FLRT1: variants seen among roughly 807,000 people sequenced by gnomAD.
FLRT1 encodes the protein leucine-rich repeat transmembrane protein FLRT1.
In FLRT1, 14 loss-of-function variants were observed where a neutral mutation model predicts 30.9. The ratio of observed to expected loss-of-function variants is 0.45; its 90% CI spans 0.30 to 0.71. The LOEUF (loss-of-function observed/expected upper bound fraction) is 0.71. Among genes scored for constraint, FLRT1 ranks in the 30% least tolerant of loss-of-function variants. The probability of loss-of-function intolerance (pLI) is 0.08; values close to 1 mark genes in which losing one functional copy is unlikely to be tolerated. For synonymous variants in FLRT1, 368 were observed against 430.4 expected, an observed-to-expected ratio of 0.85 and a Z score of 1.80; for missense variants, 737 against 949.2, an observed-to-expected ratio of 0.78 and a Z score of 2.94.
In FLRT1 at chr11:64,058,477, C is replaced by T. The variant is rs111440864; in HGVS notation, c.-1038+22318C>T. Among the ~76,000 whole-genome samples the T allele has an allele frequency of 1.8e-4, 27 of 152,372 alleles. 1 individual carries two copies. The highest frequency in any genetic ancestry group is 6.0e-4 in the African/African-American group (25 of 41,594). Reference sequence around the variant, plus strand: ...AGCTGCCACCTGGGTGGGCGAAGAGCAGGTCAGGCCTTTTCCCAGGCAGCT... The same window carrying T: ...AGCTGCCACCTGGGTGGGCGAAGAGTAGGTCAGGCCTTTTCCCAGGCAGCT... On this transcript the variant is annotated intron_variant, in intron 1 of 2. Coordinates refer to ENST00000682287, the MANE Select transcript of FLRT1 (RefSeq NM_013280.5).
intron 1 of FLRT1, among the ~76,000 whole-genome samples, chr11:64,095,625 C>T (rs896961655): frequency 6.6e-6 from 1 of 152,204 alleles, no homozygotes; most frequent in African/African-American, 2.4e-5. Context: ...CGGCTTCCCC[C>T]AGCTGCACCT....
intron 1 of FLRT1, among the ~76,000 whole-genome samples, chr11:64,081,178 T>C (rs1310468392): frequency 1.3e-5 from 2 of 152,180 alleles, no homozygotes; most frequent in Non-Finnish European, 2.9e-5. Context: ...TCCACCACCA[T>C]GCCTAGCTAA....
At chr11:64,089,167 C>T (rs1322503651) in intron 1 of FLRT1, among the ~76,000 whole-genome samples, 2 of 152,166 alleles carry the variant, frequency 1.3e-5, no homozygotes, top group African/African-American at 2.4e-5. Flanking sequence ...AGGCACAGGG[C>T]GGGTCGGGGA....
chr11:64,036,388 G>A lies in FLRT1; in HGVS notation c.-1038+229G>A, dbSNP rs1297647797. ...GTAGCGGTGGCGCTGGCCCCGCCGC[G>A]GGGAGGCGCGGGGTGCGCGGCCGGC... On this transcript the variant is annotated intron_variant, in intron 1 of 2. Transcript: ENST00000682287. This position sits in a 1 kb window ranked among gnomAD's most constrained non-coding sequence, Gnocchi z 5.6. Among the ~76,000 whole-genome samples the A allele has an allele frequency of 6.6e-6, 1 of 152,168 alleles. No homozygotes were observed. Among genetic ancestry groups the A allele is most frequent in the Non-Finnish European group, 1.5e-5 (1 of 68,014 alleles).
chr11:64,088,684 C>T (rs1449739310), intron 1 of FLRT1, among the ~76,000 whole-genome samples: 1 of 152,198 alleles, frequency 6.6e-6, no homozygotes, highest in Non-Finnish European at 1.5e-5. Flanking sequence ...CTCGACCCCT[C>T]TGGGTCTCGG....
rs367800144 is a variant in FLRT1, at chr11:64,063,744, C to T, written c.-1038+27585C>T. Among the ~76,000 whole-genome samples the T allele has an allele frequency of 6.4e-4, 98 of 152,292 alleles. 1 individual carries two copies. Among genetic ancestry groups the T allele is most frequent in the Middle Eastern group, 3.4e-3 (1 of 294 alleles). On this transcript the variant is annotated intron_variant, in intron 1 of 2. Coordinates refer to ENST00000682287, the MANE Select transcript of FLRT1 (RefSeq NM_013280.5). Reference sequence around the variant, plus strand: ...CTACTCCCCCCTCCATGGGCAGCCACGCGGTCCTCGCCCGGCTGTCAGCCA... The same window carrying T: ...CTACTCCCCCCTCCATGGGCAGCCATGCGGTCCTCGCCCGGCTGTCAGCCA...
rs1943390484 is a variant in FLRT1 at position 64,036,814 on chromosome 11, C to T, written c.-1038+655C>T. ...GCCTGGGCGGGGGGCGGCGGGCACC[C>T]CCCATCCCCCAGCTCTCAAGACAAG... On this transcript the variant is annotated intron_variant, in intron 1 of 2. Transcript: ENST00000682287. This position sits in a 1 kb window ranked among gnomAD's most constrained non-coding sequence, Gnocchi z 5.6. 6.6e-6 allele frequency among the ~76,000 whole-genome samples: 1 copy of T among 152,168 alleles called. No individual in the cohort carries two copies. Among genetic ancestry groups the T allele is most frequent in the Non-Finnish European group, 1.5e-5 (1 of 68,014 alleles).
At chr11:64,056,807 G>A (rs1943794436) in intron 1 of FLRT1, among the ~76,000 whole-genome samples, 1 of 152,132 alleles carries the variant, frequency 6.6e-6, no homozygotes, top group African/African-American at 2.4e-5. Flanking sequence ...GTTCTGGCTG[G>A]TGCAAGGCCT....
rs965847677 is a variant in FLRT1, at chr11:64,118,598, T to A, written c.*306T>A. The A allele has an allele frequency of 1.3e-5, 4 of 299,720 alleles. No homozygotes were observed. The highest frequency in any genetic ancestry group is 9.0e-5 in the South Asian group (1 of 11,128). The allele number at this position is 299,720 out of a possible 1,614,324, so 18.6% of individuals were successfully genotyped here. A position where few individuals can be genotyped will look rare whatever the true frequency, so the allele number is the denominator to read the frequency against. On this transcript the variant is annotated 3_prime_UTR_variant, in exon 3 of 3. Coordinates refer to ENST00000682287, the MANE Select transcript of FLRT1 (RefSeq NM_013280.5). ...TTGCAGGCAGGGCTGGGTTGGGTTT[T>A]TTTTTTTTCCCCCCTGAACTGGAAG...
At chr11:64,097,641 G>A (rs1444221025) in intron 1 of FLRT1, among the ~76,000 whole-genome samples, 1 of 152,246 alleles carries the variant, frequency 6.6e-6, no homozygotes, top group Admixed American at 6.5e-5. Flanking sequence ...GCAGAGCGGA[G>A]GCTGGGAGGG....
intron 1 of FLRT1, among the ~76,000 whole-genome samples, chr11:64,062,432 T>C (rs1197839250): frequency 1.3e-5 from 2 of 152,120 alleles, no homozygotes; most frequent in Non-Finnish European, 2.9e-5. Flanking sequence ...TGGAACCAAC[T>C]GGGCATAGGC....
intron 1 of FLRT1, among the ~76,000 whole-genome samples, chr11:64,077,970 C>T (rs933981218): frequency 1.2e-4 from 18 of 150,142 alleles, no homozygotes; most frequent in Admixed American, 4.6e-4. Flanking sequence ...AGCCTGGCCT[C>T]CTTTCCCCTG....
chr11:64,080,212 C>T (rs1944279102), intron 1 of FLRT1, among the ~76,000 whole-genome samples: 1 of 152,104 alleles, frequency 6.6e-6, no homozygotes, highest in Non-Finnish European at 1.5e-5. Flanking sequence ...GGGGTATCAA[C>T]ATGTTGGCCA....
chr11:64,117,187 C>A lies in FLRT1; in HGVS notation c.920C>A (p.Thr307Asn). Residue 307 changes from threonine to asparagine, a missense_variant, in exon 3 of 3, where the codon ACC becomes AAC. By Grantham distance (65) the Thr-to-Asn change is moderately conservative. Coordinates refer to ENST00000682287, the MANE Select transcript of FLRT1 (RefSeq NM_013280.5). ...ERLDLSNNNL[T>N]TLPRGLFDDL... is the part of the protein sequence containing the mutation. ...CTGGACCTGTCCAACAACAACCTGA[C>A]CACGCTGCCCCGCGGCCTGTTCGAC... is the stretch of plus-strand genomic sequence containing the variant. 1 of 1,614,084 alleles carries A rather than the reference C, an allele frequency of 6.2e-7. No homozygotes were observed. Among genetic ancestry groups the A allele is most frequent in the Non-Finnish European group, 8.5e-7 (1 of 1,180,026 alleles).
chr11:64,102,902 A>C (rs184601454), intron 1 of FLRT1, among the ~76,000 whole-genome samples: 9 of 152,068 alleles, frequency 5.9e-5, no homozygotes, highest in African/African-American at 2.2e-4. Flanking sequence ...CCCCATCTCT[A>C]CTAAAATTAA....
chr11:64,065,653 G>T (rs1469658118), intron 1 of FLRT1, among the ~76,000 whole-genome samples: 2 of 152,112 alleles, frequency 1.3e-5, no homozygotes, highest in African/African-American at 4.8e-5. Flanking sequence ...AGCCAGGCAT[G>T]GTGGCGGCCG....
At chr11:64,088,455 C>T (rs1355918471) in intron 1 of FLRT1, among the ~76,000 whole-genome samples, 1 of 152,190 alleles carries the variant, frequency 6.6e-6, no homozygotes, top group Non-Finnish European at 1.5e-5. Context: ...GGCTGTGGGC[C>T]TGGGGCAGGG....
intron 1 of FLRT1, among the ~76,000 whole-genome samples, chr11:64,048,105 G>A (rs1328694242): frequency 6.6e-6 from 1 of 152,202 alleles, no homozygotes; most frequent in African/African-American, 2.4e-5. Context: ...GCCGGCGGGA[G>A]GCAGTGGGCC....
intron 1 of FLRT1, among the ~76,000 whole-genome samples, chr11:64,074,076 G>A (rs916622622): frequency 9.9e-5 from 15 of 152,144 alleles, no homozygotes; most frequent in African/African-American, 3.6e-4. Flanking sequence ...GGGGTGGGGG[G>A]AATACCCCCT....
Sources: gnomAD v4.1 joint callset for allele counts (sites outside exome capture counted in the v4.1 genomes callset) on GRCh38, gnomAD v4.1.1 for gene constraint, Gnocchi (gnomAD v3.1) non-coding constraint, MANE v1.5 for transcripts, NCBI Gene and HGNC (gene_info 2026-07-23, HGNC 2026-07-21) for gene names.